OPHN1: variants seen among roughly 807,000 people sequenced by gnomAD.
OPHN1 encodes the protein oligophrenin-1.
A neutral mutation model predicts 60.7 loss-of-function variants in OPHN1; 11 were observed. That is an observed-to-expected ratio of 0.18 (90% CI 0.11 to 0.30). The LOEUF is 0.30. Among genes scored for constraint, OPHN1 ranks in the 10% least tolerant of loss-of-function variants. OPHN1 has a pLI of 1.00. For synonymous variants in OPHN1, 226 were observed against 222.6 expected (o/e 1.02, Z -0.14); for missense variants, 449 against 611.0 (o/e 0.73, Z 2.80).
intron 5 of OPHN1, among the ~76,000 whole-genome samples, chrX:68,266,028 T>G (rs1039924110): frequency 9.0e-5 from 10 of 111,116 alleles, no homozygotes; most frequent in Non-Finnish European, 1.1e-4. Flanking sequence ...TGGGACTATG[T>G]GAAAAGACCA....
intron 15 of OPHN1, among the ~76,000 whole-genome samples, chrX:68,184,449 G>A (rs1422876676): frequency 1.9e-5 from 2 of 106,988 alleles, no homozygotes; most frequent in African/African-American, 6.8e-5. Context: ...TTAAACCCAG[G>A]AGGCGGAGGC....
intron 5 of OPHN1, among the ~76,000 whole-genome samples, chrX:68,236,055 G>A (rs1018311064): frequency 3.6e-5 from 4 of 111,121 alleles, no homozygotes; most frequent in African/African-American, 6.6e-5. Context: ...GGAAATTAAG[G>A]TTCAAATAAG....
At chrX:68,134,679 G>A (rs550640655) in intron 15 of OPHN1, among the ~76,000 whole-genome samples, 1 of 109,969 alleles carries the variant, frequency 9.1e-6, no homozygotes, top group South Asian at 4.0e-4. Flanking sequence ...GCCTGGGCCT[G>A]GGCCAGGGCC....
In OPHN1 at chrX:68,073,156, G is replaced by A. The variant is rs368803937; in HGVS notation, c.1830C>T (p.Ser610=). 9.0e-5 allele frequency: 108 copies of A among 1,205,325 alleles called. No individual in the cohort carries two copies. The highest frequency in any genetic ancestry group is 1.5e-4 in the East Asian group (5 of 33,657). The change falls in exon 20 of 25, where the codon AGC becomes AGT. Residue 610 remains serine (S), a synonymous_variant. Transcript: ENST00000355520. ...AAGGTGAACCTCAGTACTGACCTTCGCTTTCATCCAGGGAAGAAGTATAGA... is the reference window on the plus strand; with the variant it reads ...AAGGTGAACCTCAGTACTGACCTTCACTTTCATCCAGGGAAGAAGTATAGA... ...TVFYTSSLDE[S]EDEIQHQTPN...
intron 18 of OPHN1, among the ~76,000 whole-genome samples, chrX:68,099,229 T>C (rs1006498223): frequency 3.6e-5 from 4 of 111,568 alleles, no homozygotes; most frequent in African/African-American, 1.3e-4. Flanking sequence ...GGGGGATAAG[T>C]AACATTCCAA....
At chrX:68,387,511 A>G (rs907207660) in intron 2 of OPHN1, among the ~76,000 whole-genome samples, 2 of 111,663 alleles carry the variant, frequency 1.8e-5, no homozygotes, top group African/African-American at 6.5e-5. Context: ...TATTCCTGTA[A>G]GAAAATACTG....
intron 5 of OPHN1, among the ~76,000 whole-genome samples, chrX:68,242,590 T>C (rs1245511463): frequency 9.0e-6 from 1 of 110,817 alleles, no homozygotes; most frequent in Admixed American, 9.7e-5. Flanking sequence ...AAATAATAGA[T>C]AACAGGGACT....
intron 2 of OPHN1, among the ~76,000 whole-genome samples, chrX:68,378,685 A>G (rs2078575759): frequency 8.9e-6 from 1 of 112,068 alleles, no homozygotes; most frequent in African/African-American, 3.2e-5. Flanking sequence ...TTTATTAAAC[A>G]GGGAATCCTT....
chrX:68,402,921 T>TG (rs35472368), intron 2 of OPHN1, among the ~76,000 whole-genome samples: 7 of 110,979 alleles, frequency 6.3e-5, no homozygotes, highest in African/African-American at 2.3e-4. Flanking sequence ...AAGATAAAAT[T>TG]GGGGGAGAGG....
chrX:68,167,880 T>C (rs1458305589), intron 15 of OPHN1, among the ~76,000 whole-genome samples: 1 of 110,851 alleles, frequency 9.0e-6, no homozygotes, highest in African/African-American at 3.3e-5. Flanking sequence ...GTAGTACTTA[T>C]ACACAATGGA....
chrX:68,302,973 C>CA lies in OPHN1; in HGVS notation c.155-3878dup, dbSNP rs1328185062. ...AAAGCAATCACATTTGCAATAGCTA[C>CA]AAAAAAATAAAATACCTAGGAATAA... On this transcript the variant is annotated intron_variant, in intron 2 of 24. Transcript: ENST00000355520. Among the ~76,000 whole-genome samples the CA allele has an allele frequency of 1.6e-3, 180 of 109,670 alleles. 1 individual carries two copies. Among genetic ancestry groups the CA allele is most frequent in the African/African-American group, 5.6e-3 (168 of 30,206 alleles).
At chrX:68,287,157 G>A (rs2078045947) in intron 3 of OPHN1, among the ~76,000 whole-genome samples, 1 of 40,844 alleles carries the variant, frequency 2.4e-5, no homozygotes, top group Non-Finnish European at 4.1e-5. Context: ...AAGAAAGAAG[G>A]AAAGAAAGAA....
chrX:68,042,617 G>A lies in OPHN1; in HGVS notation c.*4555C>T, dbSNP rs971650034. The A allele has an allele frequency of 1.9e-5, 2 of 103,885 alleles. No homozygotes were observed. Among genetic ancestry groups the A allele is most frequent in the South Asian group, 9.3e-4 (2 of 2,147 alleles). 8.6% of individuals were successfully genotyped at this position (103,885 alleles called of 1,213,427 possible). A position where few individuals can be genotyped will look rare whatever the true frequency, so the allele number is the denominator to read the frequency against. ...TTTATGCAGCCAAAAAACACATGAA[G>A]AAATGCTCATCATCACTGGCCATCA... On this transcript the variant is annotated 3_prime_UTR_variant, in exon 25 of 25. Coordinates refer to ENST00000355520, the MANE Select transcript of OPHN1 (RefSeq NM_002547.3).
chrX:68,432,757 G>C, intron 2 of OPHN1, 110 bp downstream of exon 2: 1 of 891,927 alleles, frequency 1.1e-6, no homozygotes, highest in Non-Finnish European at 1.6e-6. Context: ...TTGCCTCAGA[G>C]ATCTGGGCTG....
intron 19 of OPHN1, among the ~76,000 whole-genome samples, chrX:68,080,710 G>A (rs148583016): frequency 2.7e-5 from 3 of 112,020 alleles, no homozygotes; most frequent in African/African-American, 9.7e-5. Context: ...TGGTGAGGAT[G>A]GCAGAAGTAT....
At chrX:68,247,940 G>A (rs985450598) in intron 5 of OPHN1, among the ~76,000 whole-genome samples, 5 of 110,845 alleles carry the variant, frequency 4.5e-5, no homozygotes, top group Admixed American at 2.9e-4. Context: ...GCAAGATGTC[G>A]AAATAGAAGG....
chrX:68,361,510 A>T (rs12689126), intron 2 of OPHN1, among the ~76,000 whole-genome samples: 1,172 of 109,661 alleles, frequency 0.011, 35 homozygotes, highest in East Asian at 0.074. Context: ...AAATAAAAAA[A>T]ATATATATGT....
At chrX:68,195,067 A>AAGG (rs1348433902) in intron 12 of OPHN1, among the ~76,000 whole-genome samples, 22 of 73,403 alleles carry the variant, frequency 3.0e-4, no homozygotes, top group South Asian at 5.4e-4. Context: ...AGGAAGGAAG[A>AAGG]AAGAAAGAAA....
At chrX:68,287,146 G>A (rs867234120) in intron 3 of OPHN1, among the ~76,000 whole-genome samples, 8 of 52,877 alleles carry the variant, frequency 1.5e-4, no homozygotes, top group Admixed American at 2.0e-4. Context: ...AGGAAGGAAG[G>A]AAGAAAGAAG....
Sources: allele counts gnomAD v4.1 joint callset (sites outside exome capture counted in the v4.1 genomes callset), GRCh38; gene constraint gnomAD v4.1.1; transcripts MANE v1.5; gene names NCBI Gene and HGNC (gene_info 2026-07-23, HGNC 2026-07-21).